TIAM2: variants seen among roughly 807,000 people sequenced by gnomAD.
TIAM2 encodes the protein TIAM Rac1 associated GEF 2.
TIAM2 carries 80 observed loss-of-function variants against 152.9 expected under a neutral mutation model. The ratio of observed to expected loss-of-function variants is 0.52; its 90% CI spans 0.44 to 0.63. The LOEUF (loss-of-function observed/expected upper bound fraction) is 0.63. Among genes scored for constraint, TIAM2 ranks in the 30% least tolerant of loss-of-function variants. The pLI, the probability that TIAM2 is intolerant of heterozygous loss-of-function variation, is 0.00. For missense variants in TIAM2, 1,965 were observed against 2,120.1 expected (o/e 0.93, Z 1.44); for synonymous variants, 804 against 838.0 (o/e 0.96, Z 0.70).
intron 2 of TIAM2, among the ~76,000 whole-genome samples, chr6:155,102,040 T>C (rs558085103): frequency 1.3e-5 from 2 of 151,326 alleles, no homozygotes; most frequent in Non-Finnish European, 2.9e-5. Flanking sequence ...TCGCCCAGGC[T>C]GGAGTAAGTG....
At position 155,122,719 on chromosome 6, in the gene TIAM2, T is replaced by C. The variant is rs1253992496; in HGVS notation, c.-117-4771T>C. ...ACTTAAATTACGTCTCTACCAGCCCTGGGCCTCGCCACACGTTATTATACT... is the reference window on the plus strand; with the variant it reads ...ACTTAAATTACGTCTCTACCAGCCCCGGGCCTCGCCACACGTTATTATACT... On this transcript the variant is annotated intron_variant, in intron 2 of 26. Coordinates refer to ENST00000682666, the MANE Select transcript of TIAM2 (RefSeq NM_012454.4). Among the ~76,000 whole-genome samples the C allele has an allele frequency of 3.3e-5, 5 of 152,180 alleles. No homozygotes were observed. In the East Asian group the frequency reaches 7.7e-4, roughly 23 times the overall value.
intron 2 of TIAM2, among the ~76,000 whole-genome samples, chr6:155,122,541 T>C (rs1303439667): frequency 2.7e-5 from 4 of 148,938 alleles, no homozygotes; most frequent in Admixed American, 1.3e-4. Flanking sequence ...TTTTTTGTTC[T>C]AGGTCCATGT....
intron 5 of TIAM2, among the ~76,000 whole-genome samples, chr6:155,144,253 C>T (rs149560848): frequency 6.6e-6 from 1 of 152,318 alleles, no homozygotes; most frequent in African/African-American, 2.4e-5. Flanking sequence ...CGAGACCAGT[C>T]CTAGATACTT....
chr6:155,083,201 T>A (rs1778106991), intron 1 of TIAM2, among the ~76,000 whole-genome samples: 1 of 151,792 alleles, frequency 6.6e-6, no homozygotes, highest in Non-Finnish European at 1.5e-5. Context: ...GTACAAAAAT[T>A]AGCCGGGGAT....
intron 2 of TIAM2, among the ~76,000 whole-genome samples, chr6:155,095,692 C>G (rs1778405115): frequency 6.6e-6 from 1 of 152,132 alleles, no homozygotes; most frequent in South Asian, 2.1e-4. Flanking sequence ...CCTCTCTGGT[C>G]TCTTTGGAAC....
intron 14 of TIAM2, among the ~76,000 whole-genome samples, chr6:155,209,103 C>T (rs1005708397): frequency 1.3e-5 from 2 of 152,010 alleles, no homozygotes; most frequent in Admixed American, 6.6e-5. Context: ...TAACTTGCTT[C>T]CTGAGTGTCC....
intron 1 of TIAM2, among the ~76,000 whole-genome samples, chr6:155,069,911 C>CTTTT (rs36093906): frequency 8.0e-5 from 10 of 125,648 alleles, no homozygotes; most frequent in South Asian, 2.6e-4. Context: ...CATTTCTTTT[C>CTTTT]TTTTTTTTTT....
chr6:155,251,957 C>T lies in TIAM2; in HGVS notation c.4073C>T (p.Ala1358Val), dbSNP rs1320473046. 1.2e-6 allele frequency: 2 copies of T among 1,603,306 alleles called. No homozygotes were observed. Among genetic ancestry groups the T allele is most frequent in the Non-Finnish European group, 1.7e-6 (2 of 1,176,476 alleles). The change falls in exon 23 of 27, where the codon GCC becomes GTC. Residue 1358 changes from alanine to valine, a missense_variant. This residue lies in a region of TIAM2 where 935 missense variants were observed against 980.0 expected (regional missense o/e 0.95). Coordinates refer to ENST00000682666, the MANE Select transcript of TIAM2 (RefSeq NM_012454.4). ...LELTVFVFKR[A>V]VILVYKENCK... ...TTCCTTTCTTTAGTTTTTAAGAGAG[C>T]CGTCATACTGGTTTATAAAGAAAAC...
intron 7 of TIAM2, among the ~76,000 whole-genome samples, chr6:155,152,085 C>T (rs2151958): frequency 0.46 from 69,574 of 151,808 alleles, 16,616 homozygotes; most frequent in Middle Eastern, 0.56. Context: ...TTAGGTGATC[C>T]GCTTGCCTCA....
At position 155,114,509 on chromosome 6, in the gene TIAM2, C is replaced by A. The variant is rs76384342; in HGVS notation, c.-117-12981C>A. 7.3e-3 allele frequency among the ~76,000 whole-genome samples: 1,104 copies of A among 152,130 alleles called. 8 individuals are homozygous for A. The highest frequency in any genetic ancestry group is 0.026 in the South Asian group (125 of 4,792). ...GGTGGCCATGCCCCACCCCCACAGC[C>A]ATTTGGAGGCATACTCTAAGTTATA... On this transcript the variant is annotated intron_variant, in intron 2 of 26. Transcript: ENST00000682666.
At chr6:155,236,439 G>GATCA (rs1441075160) in intron 15 of TIAM2, among the ~76,000 whole-genome samples, 2 of 152,254 alleles carry the variant, frequency 1.3e-5, no homozygotes, top group East Asian at 3.9e-4. Flanking sequence ...GAGGTGGGCA[G>GATCA]ATCACCTGAG....
intron 2 of TIAM2, among the ~76,000 whole-genome samples, chr6:155,122,273 T>C (rs9397225): frequency 0.41 from 61,668 of 151,474 alleles, 14,641 homozygotes; most frequent in African/African-American, 0.64. Flanking sequence ...CTTAAAAAGC[T>C]ACAGAGCATA....
chr6:155,129,249 C>T lies in TIAM2; in HGVS notation c.26C>T (p.Thr9Ile). The part of the protein sequence containing the change: MGNSDSQY[T>I]LQGSKNHSNT... ...ATGGGCAACTCCGACAGTCAGTACA[C>T]CCTTCAAGGATCTAAAAATCATAGC... The change falls in exon 4 of 27, where the codon ACC becomes ATC. Residue 9 changes from threonine to isoleucine, a missense_variant. Thr to Ile is a moderately conservative substitution (Grantham distance 89). Transcript: ENST00000682666. This position sits in a 1 kb window ranked among gnomAD's most constrained non-coding sequence, Gnocchi z 4.8. 5 of 1,614,064 alleles carry T rather than the reference C, an allele frequency of 3.1e-6. No individual in the cohort carries two copies. The highest frequency in any genetic ancestry group is 4.2e-6 in the Non-Finnish European group (5 of 1,179,968).
intron 2 of TIAM2, among the ~76,000 whole-genome samples, chr6:155,101,544 T>C (rs1778548964): frequency 6.6e-6 from 1 of 152,216 alleles, no homozygotes; most frequent in Non-Finnish European, 1.5e-5. Flanking sequence ...CTTTTCTTCC[T>C]TGACTATAGC....
intron 1 of TIAM2, among the ~76,000 whole-genome samples, chr6:155,018,311 CTTCTTATT>C (rs1420208300): frequency 1.2e-5 from 1 of 84,434 alleles, no homozygotes; most frequent in Non-Finnish European, 2.6e-5. Flanking sequence ...ATTTCACTTG[CTTCTTATT>C]TTTTTCAATA....
At chr6:155,028,922 CACTGTATAT>C (rs1776716187) in intron 1 of TIAM2, among the ~76,000 whole-genome samples, 1 of 108,460 alleles carries the variant, frequency 9.2e-6, no homozygotes, top group South Asian at 2.7e-4. Flanking sequence ...GTTATATATA[CACTGTATAT>C]ACTATATATA....
chr6:155,120,845 A>G (rs557544717), intron 2 of TIAM2, among the ~76,000 whole-genome samples: 23 of 152,342 alleles, frequency 1.5e-4, no homozygotes, highest in African/African-American at 5.0e-4. Flanking sequence ...ATTCCCAGAC[A>G]TGCCAAATGT....
At chr6:155,193,556 T>G (rs150568855) in intron 14 of TIAM2, among the ~76,000 whole-genome samples, 3 of 152,316 alleles carry the variant, frequency 2.0e-5, no homozygotes, top group African/African-American at 4.8e-5. Context: ...AAAGAAAATG[T>G]TTTTTTCTCA....
chr6:155,216,797 G>A lies in TIAM2; in HGVS notation c.3168+5490G>A, dbSNP rs562274671. ...CCCTCTGTGGTCCCATTGTCTCCAC[G>A]TCTGTGGTAACCCGGTGCCTTTCTA... On this transcript the variant is annotated intron_variant, in intron 15 of 26. Transcript: ENST00000682666. 47 of 684,946 alleles carry A rather than the reference G, an allele frequency of 6.9e-5. 1 individual carries two copies. The highest frequency in any genetic ancestry group is 6.8e-4 in the South Asian group (27 of 39,974). The allele number at this position is 684,946 out of a possible 1,614,324, so 42.4% of individuals were successfully genotyped here.
Sources: allele counts gnomAD v4.1 joint callset (sites outside exome capture counted in the v4.1 genomes callset), GRCh38; gene constraint gnomAD v4.1.1; regional missense constraint gnomAD v4.1.1; non-coding constraint Gnocchi (gnomAD v3.1); transcripts MANE v1.5; gene names NCBI Gene and HGNC (gene_info 2026-07-23, HGNC 2026-07-21).